Variants in FAM135B observed in about 807,000 individuals in gnomAD.
FAM135B encodes the protein protein FAM135B.
A neutral mutation model predicts 127.7 loss-of-function variants in FAM135B; 43 were observed. The ratio of observed to expected loss-of-function variants is 0.34; its 90% confidence interval spans 0.26 to 0.43. The LOEUF (loss-of-function observed/expected upper bound fraction) is 0.43, where lower values mean the gene tolerates loss of function less well. Ranked by LOEUF, FAM135B falls within the 20% of genes least tolerant of loss-of-function variation. The probability of loss-of-function intolerance (pLI) is 1.00; values close to 1 mark genes in which losing one functional copy is unlikely to be tolerated. For missense variants in FAM135B, 1,558 were observed against 1,725.6 expected (o/e 0.90, Z 1.72); for synonymous variants, 670 against 665.1 (o/e 1.01, Z -0.11).
At chr8:138,182,137 C>T (rs1182079474) in intron 9 of FAM135B, among the ~76,000 whole-genome samples, 1 of 152,182 alleles carries the variant, frequency 6.6e-6, no homozygotes, top group South Asian at 2.1e-4. Context: ...CTGAGCTCCG[C>T]CACCAGAGTG....
intron 2 of FAM135B, among the ~76,000 whole-genome samples, chr8:138,350,484 A>G (rs1587190615): frequency 6.6e-6 from 1 of 150,520 alleles, no homozygotes; most frequent in South Asian, 2.1e-4. Flanking sequence ...GGAATTGTAA[A>G]TAGGTTTTCT....
intron 1 of FAM135B, among the ~76,000 whole-genome samples, chr8:138,472,193 G>T (rs1837714987): frequency 6.6e-6 from 1 of 152,080 alleles, no homozygotes; most frequent in Non-Finnish European, 1.5e-5. Flanking sequence ...TGGCCATTTG[G>T]TTTGATAAGA....
chr8:138,166,811 A>G (rs1375091569), intron 12 of FAM135B, among the ~76,000 whole-genome samples: 1 of 152,126 alleles, frequency 6.6e-6, no homozygotes, highest in Non-Finnish European at 1.5e-5. Flanking sequence ...TCAAAGAATA[A>G]ATGTCTGCAA....
At chr8:138,421,601 G>A (rs1834514334) in intron 1 of FAM135B, among the ~76,000 whole-genome samples, 1 of 152,000 alleles carries the variant, frequency 6.6e-6, no homozygotes, top group South Asian at 2.1e-4. Flanking sequence ...GAACTCTACA[G>A]CAAGAATTAC....
At chr8:138,485,422 T>A (rs1213383141) in intron 1 of FAM135B, among the ~76,000 whole-genome samples, 1 of 152,204 alleles carries the variant, frequency 6.6e-6, no homozygotes. Flanking sequence ...CAATCCGCCA[T>A]CCTCTTGGTT....
At chr8:138,306,907 C>T (rs1333002565) in intron 3 of FAM135B, among the ~76,000 whole-genome samples, 1 of 152,110 alleles carries the variant, frequency 6.6e-6, no homozygotes, top group Non-Finnish European at 1.5e-5. Flanking sequence ...TTCTTTAAGG[C>T]CATTGTGGAC....
chr8:138,198,133 G>A (rs114662186), intron 7 of FAM135B, among the ~76,000 whole-genome samples: 4,045 of 152,166 alleles, frequency 0.027, 157 homozygotes, highest in African/African-American at 0.086. Flanking sequence ...TCACGGGGGC[G>A]GGGTTTTTCC....
In FAM135B at chr8:138,243,010, C is replaced by T. The variant is rs771491510; in HGVS notation, c.601G>A (p.Glu201Lys). ...TTTTCCAGAGAAATGATAGACTGTTCTTGTCCGGTGTCTGGGCCACCTTTA... is the reference window on the plus strand; with the variant it reads ...TTTTCCAGAGAAATGATAGACTGTTTTTGTCCGGTGTCTGGGCCACCTTTA... ...LGKGGPDTGQEQSIISLENLV... is the reference protein window; with the variant it reads ...LGKGGPDTGQKQSIISLENLV... Residue 201 changes from glutamate (E) to lysine (K), a missense_variant, in exon 7 of 20, where the codon GAA (glutamate) becomes AAA (lysine). By Grantham distance (56) the Glu-to-Lys change is moderately conservative. Around this residue, in one of 5 missense-constraint regions of FAM135B, gnomAD observed 127 missense variants for 109.7 expected, o/e 1.16. Coordinates refer to ENST00000395297, the MANE Select transcript of FAM135B (RefSeq NM_015912.4). This position sits in a 1 kb window ranked among gnomAD's most constrained non-coding sequence, Gnocchi z 7.5. 1 of 1,613,944 alleles carries T rather than the reference C, an allele frequency of 6.2e-7. No homozygotes were observed. Among genetic ancestry groups the T allele is most frequent in the Non-Finnish European group, 8.5e-7 (1 of 1,179,930 alleles).
chr8:138,438,945 A>G (rs1835612414), intron 1 of FAM135B: 1 of 152,208 alleles, frequency 6.6e-6, no homozygotes, highest in Non-Finnish European at 1.5e-5. Context: ...AGAGGTCACT[A>G]TACAAACAGG....
chr8:138,206,264 T>C (rs1474881140), intron 7 of FAM135B, among the ~76,000 whole-genome samples: 47 of 148,704 alleles, frequency 3.2e-4, no homozygotes, highest in East Asian at 6.1e-4. Flanking sequence ...TACACACAGC[T>C]CTATCATCCC....
At chr8:138,314,909 G>A (rs1466927263) in intron 2 of FAM135B, among the ~76,000 whole-genome samples, 1 of 148,176 alleles carries the variant, frequency 6.7e-6, no homozygotes, top group Non-Finnish European at 1.5e-5. Flanking sequence ...AAAATTCGAA[G>A]GGCATTTTTT....
At chr8:138,225,288 T>G (rs997768026) in intron 7 of FAM135B, among the ~76,000 whole-genome samples, 1 of 151,962 alleles carries the variant, frequency 6.6e-6, no homozygotes, top group Admixed American at 6.6e-5. Context: ...AGGAAAGATA[T>G]GGATCTCTCT....
chr8:138,427,195 G>C (rs146120463), intron 1 of FAM135B, among the ~76,000 whole-genome samples: 3,298 of 151,360 alleles, frequency 0.022, 51 homozygotes, highest in Non-Finnish European at 0.036. Flanking sequence ...GGGAGTTTTG[G>C]GGGTGTAGGT....
At chr8:138,378,765 A>T (rs568512684) in intron 1 of FAM135B, among the ~76,000 whole-genome samples, 1 of 152,244 alleles carries the variant, frequency 6.6e-6, no homozygotes, top group East Asian at 1.9e-4. Context: ...AGACAGTGCA[A>T]ATAGAAGCAT....
At chr8:138,280,733 G>T (rs962416145) in intron 3 of FAM135B, among the ~76,000 whole-genome samples, 2 of 152,170 alleles carry the variant, frequency 1.3e-5, no homozygotes, top group African/African-American at 4.8e-5. Flanking sequence ...CTCCACAAGA[G>T]CACAGGTTTG....
At chr8:138,216,070 T>G (rs762083730) in intron 7 of FAM135B, among the ~76,000 whole-genome samples, 1 of 152,164 alleles carries the variant, frequency 6.6e-6, no homozygotes, top group Non-Finnish European at 1.5e-5. Flanking sequence ...CTACTACACC[T>G]ACAGACAAGG....
chr8:138,194,439 T>C (rs2131104330), intron 9 of FAM135B, among the ~76,000 whole-genome samples: 1 of 152,314 alleles, frequency 6.6e-6, no homozygotes, highest in East Asian at 1.9e-4. Flanking sequence ...TGGGGAGCTT[T>C]GAATAAAAAC....
At chr8:138,482,053 G>C (rs1814800930) in intron 1 of FAM135B, among the ~76,000 whole-genome samples, 1 of 152,190 alleles carries the variant, frequency 6.6e-6, no homozygotes, top group South Asian at 2.1e-4. Flanking sequence ...TCAGCACATA[G>C]GGCAGAGGAG....
intron 1 of FAM135B, among the ~76,000 whole-genome samples, chr8:138,449,035 T>C (rs1836345750): frequency 6.6e-6 from 1 of 152,190 alleles, no homozygotes; most frequent in Non-Finnish European, 1.5e-5. Context: ...TGTCATTTCT[T>C]TTAAACAATT....
Sources: gnomAD v4.1 joint callset for allele counts (sites outside exome capture counted in the v4.1 genomes callset) on GRCh38, gnomAD v4.1.1 for gene constraint, gnomAD v4.1.1 regional missense constraint, Gnocchi (gnomAD v3.1) non-coding constraint, MANE v1.5 for transcripts, NCBI Gene and HGNC (gene_info 2026-07-23, HGNC 2026-07-21) for gene names.